The following WDFY3 variants were observed in gnomAD, a reference collection of about 807,000 sequenced individuals.
WDFY3 encodes the protein WD repeat and FYVE domain containing 3.
Under a neutral mutation model 409.6 loss-of-function variants are expected in WDFY3, and 66 were observed. The ratio of observed to expected loss-of-function variants is 0.16; its 90% CI spans 0.13 to 0.20. The LOEUF (loss-of-function observed/expected upper bound fraction) is 0.20, where lower values mean the gene tolerates loss of function less well. Among genes scored for constraint, WDFY3 ranks in the 10% least tolerant of loss-of-function variants. The pLI, the probability that WDFY3 is intolerant of heterozygous loss-of-function variation, is 1.00. For missense variants in WDFY3, 3,031 were observed against 4,298.1 expected, an observed-to-expected ratio of 0.71 and a Z score of 8.24; for synonymous variants, 1,521 against 1,537.1, an observed-to-expected ratio of 0.99 and a Z score of 0.25.
At chr4:84,771,451 T>C (rs1473970354) in intron 30 of WDFY3, among the ~76,000 whole-genome samples, 8 of 152,244 alleles carry the variant, frequency 5.3e-5, no homozygotes. Flanking sequence ...ATATTTTTTA[T>C]ACTTGAAATA....
chr4:84,925,845 T>C (rs1236861268), intron 2 of WDFY3, among the ~76,000 whole-genome samples: 1 of 152,060 alleles, frequency 6.6e-6, no homozygotes, highest in African/African-American at 2.4e-5. Flanking sequence ...AAAATGTACA[T>C]ATTCCACAAG....
At chr4:84,963,663 A>G (rs1775226369) in intron 1 of WDFY3, among the ~76,000 whole-genome samples, 2 of 152,188 alleles carry the variant, frequency 1.3e-5, no homozygotes, top group African/African-American at 4.8e-5. Context: ...TCTCAGATAT[A>G]CTTTGCAATT....
chr4:84,744,099 T>C (rs1738922490), intron 36 of WDFY3, among the ~76,000 whole-genome samples: 1 of 147,856 alleles, frequency 6.8e-6, no homozygotes, highest in African/African-American at 2.4e-5. Context: ...TTATATAATA[T>C]ATAGTATATA....
chr4:84,911,365 T>C (rs952208643), intron 2 of WDFY3, among the ~76,000 whole-genome samples: 3 of 152,154 alleles, frequency 2.0e-5, no homozygotes, highest in African/African-American at 7.2e-5. Flanking sequence ...CATACGACTG[T>C]AGTCCTAGCT....
At chr4:84,855,387 T>C (rs1402127810) in intron 4 of WDFY3, among the ~76,000 whole-genome samples, 4 of 152,216 alleles carry the variant, frequency 2.6e-5, no homozygotes, top group African/African-American at 7.2e-5. Flanking sequence ...AATAGCATGG[T>C]TTGACTTATT....
chr4:84,706,938 CTT>C (rs1229485318), intron 53 of WDFY3, among the ~76,000 whole-genome samples: 30 of 134,806 alleles, frequency 2.2e-4, no homozygotes, highest in Admixed American at 3.7e-4. Context: ...ATTTTTACTT[CTT>C]TTTTTTTTTT....
rs759064671 is a variant in WDFY3 at position 84,780,252 on chromosome 4, G to A, written c.4221C>T (p.Tyr1407=). 10 of 1,613,694 alleles carry A rather than the reference G, an allele frequency of 6.2e-6. No homozygotes were observed. Among genetic ancestry groups the A allele is most frequent in the African/African-American group, 2.7e-5 (2 of 75,030 alleles). Residue 1407 remains tyrosine, a synonymous_variant, in exon 26 of 68, where the codon TAC becomes TAT. Coordinates refer to ENST00000295888, the MANE Select transcript of WDFY3 (RefSeq NM_014991.6). The stretch of plus-strand genomic sequence containing the variant: ...CCAGGATGGCTGCAGCTCCACCAAC[G>A]TACTGCAAAGTAGTGGCAACAGGCT... ...VPKPVATTLQ[Y]VGGAAAILGL...
chr4:84,794,722 G>C lies in WDFY3; in HGVS notation c.3284C>G (p.Pro1095Arg). 6.2e-7 allele frequency: 1 copy of C among 1,611,982 alleles called. No homozygotes were observed. The highest frequency in any genetic ancestry group is 2.2e-5 in the East Asian group (1 of 44,796). ...AGAGTAACTTAAGCCGGAGGGAGGA[G>C]GGAAGAATCTTTCACCTACAGTAAA... is the stretch of plus-strand genomic sequence containing the variant. ...SGIGSGERFF[P>R]PPSGLSYSSW... is the part of the protein sequence containing the mutation. The change falls in exon 21 of 68, where the codon CCT (proline) becomes CGT (arginine). Residue 1095 changes from proline (P) to arginine (R), a missense_variant. This residue lies in a region of WDFY3 where 1,322 missense variants were observed against 1,697.9 expected (regional missense o/e 0.78). Transcript: ENST00000295888.
intron 32 of WDFY3, among the ~76,000 whole-genome samples, chr4:84,761,803 G>T (rs1742653299): frequency 6.6e-6 from 1 of 152,024 alleles, no homozygotes; most frequent in Non-Finnish European, 1.5e-5. Context: ...GTGGGCAAAG[G>T]ACATGAACAG....
intron 46 of WDFY3, 115 bp downstream of exon 46, chr4:84,724,311 T>C: frequency 2.5e-6 from 3 of 1,192,140 alleles, no homozygotes; most frequent in Non-Finnish European, 3.5e-6. Context: ...GTAAAATGTG[T>C]ATGGATATTT....
intron 62 of WDFY3, chr4:84,687,875 C>CA: frequency 2.2e-6 from 1 of 462,196 alleles, no homozygotes. Context: ...CTCTGACTTT[C>CA]AGGAGGTCAC....
chr4:84,791,229 A>G (rs1262516752), intron 21 of WDFY3, among the ~76,000 whole-genome samples: 2 of 152,222 alleles, frequency 1.3e-5, no homozygotes, highest in Non-Finnish European at 2.9e-5. Flanking sequence ...GCCTTAAAGA[A>G]GAAAATTTTG....
At chr4:84,925,604 T>A (rs1466140738) in intron 2 of WDFY3, among the ~76,000 whole-genome samples, 1 of 152,180 alleles carries the variant, frequency 6.6e-6, no homozygotes, top group Admixed American at 6.5e-5. Context: ...TAGATTGTTG[T>A]TTGAAAAAAG....
chr4:84,808,440 G>A (rs1333754499), intron 14 of WDFY3, 23 bp from the exon 15 acceptor site: 2 of 1,610,524 alleles, frequency 1.2e-6, no homozygotes, highest in African/African-American at 2.7e-5. Flanking sequence ...AAACAGACAG[G>A]GTGGTTTAGA....
intron 3 of WDFY3, among the ~76,000 whole-genome samples, chr4:84,877,732 C>A (rs1762972450): frequency 6.6e-6 from 1 of 152,084 alleles, no homozygotes; most frequent in Admixed American, 6.5e-5. Context: ...CAACACCAGA[C>A]AATGTAAGAT....
intron 3 of WDFY3, among the ~76,000 whole-genome samples, chr4:84,874,570 A>C (rs146770744): frequency 1.8e-3 from 272 of 152,254 alleles, no homozygotes; most frequent in African/African-American, 6.2e-3. Context: ...CCACACTGAA[A>C]GTATCTCCCA....
chr4:84,935,272 C>G (rs768356116), intron 1 of WDFY3, among the ~76,000 whole-genome samples: 1 of 152,128 alleles, frequency 6.6e-6, no homozygotes, highest in Non-Finnish European at 1.5e-5. Flanking sequence ...TTTAACTTTT[C>G]ATGATGATGC....
intron 24 of WDFY3, among the ~76,000 whole-genome samples, chr4:84,784,891 TAC>T (rs1215135327): frequency 0.18 from 6,345 of 36,188 alleles, 399 homozygotes; most frequent in Admixed American, 0.27. Context: ...TATATATATA[TAC>T]ACACACACAC....
At chr4:84,857,535 TTA>T (rs1759934077) in intron 4 of WDFY3, among the ~76,000 whole-genome samples, 1 of 152,090 alleles carries the variant, frequency 6.6e-6, no homozygotes, top group Non-Finnish European at 1.5e-5. Flanking sequence ...CATCATGACG[TTA>T]AAGTAAAACA....
Sources: gnomAD v4.1 joint callset for allele counts (sites outside exome capture counted in the v4.1 genomes callset) on GRCh38, gnomAD v4.1.1 for gene constraint, gnomAD v4.1.1 regional missense constraint, MANE v1.5 for transcripts, NCBI Gene and HGNC (gene_info 2026-07-23, HGNC 2026-07-21) for gene names.